DTX3L: variants seen among roughly 807,000 people sequenced by gnomAD.
The protein encoded by DTX3L is E3 ubiquitin-protein ligase DTX3L.
In DTX3L, 34 loss-of-function variants were observed where a neutral mutation model predicts 60.9. The observed-to-expected ratio is 0.56, with a 90% CI of 0.42 to 0.74. DTX3L has a LOEUF of 0.74. Among genes scored for constraint, DTX3L ranks in the 30% least tolerant of loss-of-function variants. The probability of loss-of-function intolerance (pLI) is 0.00; values close to 1 mark genes in which losing one functional copy is unlikely to be tolerated. For synonymous variants in DTX3L, 290 were observed against 316.6 expected, an observed-to-expected ratio of 0.92 and a Z score of 0.89; for missense variants, 810 against 874.0, an observed-to-expected ratio of 0.93 and a Z score of 0.92.
chr3:122,566,150 C>T, intron 2 of DTX3L, 80 bp downstream of exon 2: 1 of 1,312,548 alleles, frequency 7.6e-7, no homozygotes. Flanking sequence ...ATCCAACACC[C>T]ATGTGCTGGG....
At chr3:122,570,761 C>T (rs1008515545) in intron 4 of DTX3L, 89 bp downstream of exon 4, 18 of 1,343,748 alleles carry the variant, frequency 1.3e-5, no homozygotes, top group Middle Eastern at 3.8e-4. Context: ...TAAGTAGACT[C>T]TATAGCAGTG....
Position 122,564,570 on chromosome 3 carries a change from C to T in DTX3L, c.144C>T (p.His48=). 6.2e-7 allele frequency: 1 copy of T among 1,605,616 alleles called. No homozygotes were observed. ...AGTGCACGGTCAGCACCCAGGAACA[C>T]GAAGCCCCGGGCACCTTCCGGGTGG... ...GGECTVSTQE[H]EAPGTFRVEF... The change falls in exon 1 of 5, where the codon CAC becomes CAT. Residue 48 remains histidine, a synonymous_variant. Transcript: ENST00000296161.
At position 122,568,830 on chromosome 3, in the gene DTX3L, A is replaced by G. The variant is rs2080623011; in HGVS notation, c.741A>G (p.Lys247=). The G allele has an allele frequency of 6.2e-7, 1 of 1,614,012 alleles. No individual in the cohort carries two copies. The highest frequency in any genetic ancestry group is 1.3e-5 in the African/African-American group (1 of 74,936). The change falls in exon 3 of 5, where the codon AAA becomes AAG. Residue 247 remains lysine (K), a synonymous_variant. Coordinates refer to ENST00000296161, the MANE Select transcript of DTX3L (RefSeq NM_138287.3). ...EVPLPYFEYF[K]YICPDKINSI... is the part of the protein sequence containing the mutation. The stretch of plus-strand genomic sequence containing the variant: ...CCTTGCCTTACTTTGAATACTTTAA[A>G]TATATCTGTCCTGATAAAATCAACT...
chr3:122,570,707 A>C (rs1239861141), intron 4 of DTX3L, 35 bp downstream of exon 4: 2 of 1,605,772 alleles, frequency 1.2e-6, no homozygotes. Context: ...GCTGCTCAAC[A>C]GAGTATAGGG....
chr3:122,565,585 G>T (rs2080565505), intron 1 of DTX3L, among the ~76,000 whole-genome samples: 3 of 150,982 alleles, frequency 2.0e-5, no homozygotes, highest in Admixed American at 1.3e-4. Flanking sequence ...GGAAAGGGGA[G>T]ACTGGAGACA....
chr3:122,574,153 CA>C lies in DTX3L; in HGVS notation c.*2407del, dbSNP rs1355050184. 2 of 152,096 alleles carry C rather than the reference CA, an allele frequency of 1.3e-5. No individual in the cohort carries two copies. The highest frequency in any genetic ancestry group is 1.5e-5 in the Non-Finnish European group (1 of 68,020). The allele number at this position is 152,096 out of a possible 1,614,324, so 9.4% of individuals were successfully genotyped here. On this transcript the variant is annotated 3_prime_UTR_variant, in exon 5 of 5. Transcript: ENST00000296161. ...ATGCCTAGCTCACTTCCAGGTTTAA[CA>C]GACAAAATAAACTTACTCTAGTTTC...
In DTX3L at chr3:122,569,479, C is replaced by G; in HGVS notation, c.1390C>G (p.His464Asp). ...LLKSLGKERK[H>D]LHQTKFADDF... ...GAAGTCTTTGGGCAAGGAGAGAAAGCACTTACATCAGACCAAGTTTGCTGA... is the reference window on the plus strand; with the variant it reads ...GAAGTCTTTGGGCAAGGAGAGAAAGGACTTACATCAGACCAAGTTTGCTGA... Residue 464 changes from histidine to aspartate, a missense_variant, in exon 3 of 5, where the codon CAC becomes GAC. By Grantham distance (81) the His-to-Asp change is moderately conservative. Transcript: ENST00000296161. 6.2e-7 allele frequency: 1 copy of G among 1,614,180 alleles called. No individual in the cohort carries two copies. The highest frequency in any genetic ancestry group is 8.5e-7 in the Non-Finnish European group (1 of 1,180,036).
rs140956272 is a variant in DTX3L at position 122,566,114 on chromosome 3, C to A, written c.399+44C>A. 311 of 1,535,460 alleles carry A rather than the reference C, an allele frequency of 2.0e-4. 2 individuals carry two copies. In the African/African-American group the frequency reaches 3.7e-3, roughly 18 times the overall value. On this transcript the variant is annotated intron_variant, in intron 2 of 4. Transcript: ENST00000296161. ...AGCTGGCTGTGCCTGCGCCTCCTCTCCAGTCACCAGCCTCATGTATTATTG... is the reference window on the plus strand; with the variant it reads ...AGCTGGCTGTGCCTGCGCCTCCTCTACAGTCACCAGCCTCATGTATTATTG...
In DTX3L at chr3:122,564,620, T is replaced by C. The variant is rs1296993803; in HGVS notation, c.187+7T>C. 18 of 1,579,422 alleles carry C rather than the reference T, an allele frequency of 1.1e-5. No homozygotes were observed. Among genetic ancestry groups the C allele is most frequent in the Non-Finnish European group, 1.5e-5 (17 of 1,165,286 alleles). On this transcript the variant is annotated splice_region_variant and intron_variant, in intron 1 of 4. Coordinates refer to ENST00000296161, the MANE Select transcript of DTX3L (RefSeq NM_138287.3). ...GAGTTCAGTGAAAGGGCAGGTGAGC[T>C]TCGGGCGGCCAGGCTGCGAAAGCCC...
chr3:122,565,512 TA>T (rs770609802), intron 1 of DTX3L, among the ~76,000 whole-genome samples: 891 of 53,092 alleles, frequency 0.017, 1 homozygote, highest in South Asian at 0.02. Context: ...AGACTCCGTC[TA>T]AAAAAAAAAA....
At chr3:122,566,787 T>C (rs1390331288) in intron 2 of DTX3L, among the ~76,000 whole-genome samples, 2 of 152,158 alleles carry the variant, frequency 1.3e-5, no homozygotes, top group African/African-American at 2.4e-5. Context: ...TTCCAGGCAC[T>C]GTTATAGGAG....
At chr3:122,570,380 A>AT in intron 3 of DTX3L, 75 bp from the exon 4 acceptor site, 1 of 1,428,808 alleles carries the variant, frequency 7.0e-7, no homozygotes, top group East Asian at 2.3e-5. Flanking sequence ...TTATCTACAA[A>AT]TGAACACATC....
At chr3:122,570,759 C>A in intron 4 of DTX3L, 87 bp downstream of exon 4, 1 of 1,370,010 alleles carries the variant, frequency 7.3e-7, no homozygotes, top group Non-Finnish European at 1.0e-6. Flanking sequence ...TATAAGTAGA[C>A]TCTATAGCAG....
At chr3:122,571,596 A>T in intron 4 of DTX3L, 82 bp from the exon 5 acceptor site, 1 of 1,068,914 alleles carries the variant, frequency 9.4e-7, no homozygotes, top group Non-Finnish European at 1.4e-6. Flanking sequence ...ACTGGATATT[A>T]ATTAAATCCT....
chr3:122,569,210 T>C lies in DTX3L; in HGVS notation c.1121T>C (p.Met374Thr). 6.2e-7 allele frequency: 1 copy of C among 1,614,210 alleles called. No homozygotes were observed. Among genetic ancestry groups the C allele is most frequent in the Non-Finnish European group, 8.5e-7 (1 of 1,180,032 alleles). ...IPVKLFAANY[M>T]MNVIEVDSAH... is the part of the protein sequence containing the mutation. ...GTGAAACTATTTGCTGCCAATTACA[T>C]GATGAATGTAATTGAGGTTGATAGT... Residue 374 changes from methionine (M) to threonine (T), a missense_variant, in exon 3 of 5, where the codon ATG (methionine) becomes ACG (threonine). Physicochemically the swap from Met to Thr is moderately conservative, Grantham distance 81. Coordinates refer to ENST00000296161, the MANE Select transcript of DTX3L (RefSeq NM_138287.3).
chr3:122,570,383 A>G, intron 3 of DTX3L, 72 bp from the exon 4 acceptor site: 1 of 1,443,638 alleles, frequency 6.9e-7, no homozygotes, highest in Non-Finnish European at 9.7e-7. Context: ...TCTACAAATG[A>G]ACACATCTAT....
Position 122,569,375 on chromosome 3 carries a change from T to C in DTX3L, c.1286T>C (p.Leu429Pro), listed in dbSNP as rs375177429. ...GAATCCAAGGACAGGCAGGTAGATC[T>C]ATCTGTGCATGCTTATGCAAGTTTC... is the stretch of plus-strand genomic sequence containing the variant. The part of the protein sequence containing the change: ...LFESKDRQVD[L>P]SVHAYASFID... The change falls in exon 3 of 5, where the codon CTA becomes CCA. Residue 429 changes from leucine (L) to proline (P), a missense_variant. Transcript: ENST00000296161. 13 of 1,614,196 alleles carry C rather than the reference T, an allele frequency of 8.1e-6. No individual in the cohort carries two copies. Among genetic ancestry groups the C allele is most frequent in the Non-Finnish European group, 1.1e-5 (13 of 1,180,046 alleles).
chr3:122,568,589 G>A lies in DTX3L; in HGVS notation c.500G>A (p.Gly167Asp). The A allele has an allele frequency of 6.2e-7, 1 of 1,614,142 alleles. No homozygotes were observed. Among genetic ancestry groups the A allele is most frequent in the Non-Finnish European group, 8.5e-7 (1 of 1,180,024 alleles). ...TLCPSIRKMEGHDGIEKVCGD... is the reference protein window; with the variant it reads ...TLCPSIRKMEDHDGIEKVCGD... ...TGCCCTAGTATCAGAAAAATGGAAG[G>A]TCACGATGGAATTGAGAAGGTGTGT... Residue 167 changes from glycine to aspartate, a missense_variant, in exon 3 of 5, where the codon GGT (glycine) becomes GAT (aspartate). Coordinates refer to ENST00000296161, the MANE Select transcript of DTX3L (RefSeq NM_138287.3).
Position 122,570,597 on chromosome 3 carries a change from G to A in DTX3L, c.2078G>A (p.Arg693His), listed in dbSNP as rs779126356. The change falls in exon 4 of 5, where the codon CGC (arginine) becomes CAC (histidine). Residue 693 changes from arginine to histidine, a missense_variant. Coordinates refer to ENST00000296161, the MANE Select transcript of DTX3L (RefSeq NM_138287.3). ...CTGATTTTTACAGTGGGGTACTCTCGCGTATTAGGAGTCTCAGATGTCATC... is the reference window on the plus strand; with the variant it reads ...CTGATTTTTACAGTGGGGTACTCTCACGTATTAGGAGTCTCAGATGTCATC... ...QKLIFTVGYS[R>H]VLGVSDVITW... 24 of 1,614,012 alleles carry A rather than the reference G, an allele frequency of 1.5e-5. No individual in the cohort carries two copies. Among genetic ancestry groups the A allele is most frequent in the Middle Eastern group, 1.6e-4 (1 of 6,084 alleles).
Sources: allele counts gnomAD v4.1 joint callset (sites outside exome capture counted in the v4.1 genomes callset), GRCh38; gene constraint gnomAD v4.1.1; transcripts MANE v1.5; gene names NCBI Gene and HGNC (gene_info 2026-07-23, HGNC 2026-07-21).